Variants in ADAMTS19 observed in about 807,000 individuals in gnomAD.
ADAMTS19 encodes the protein ADAM metallopeptidase with thrombospondin type 1 motif 19.
ADAMTS19 carries 93 observed loss-of-function variants against 153.3 expected under a neutral mutation model. The observed-to-expected ratio is 0.61, with a 90% CI of 0.51 to 0.72. The LOEUF (loss-of-function observed/expected upper bound fraction) is 0.72, where lower values mean the gene tolerates loss of function less well. Ranked by LOEUF, ADAMTS19 falls within the 30% of genes least tolerant of loss-of-function variation. The pLI, the probability that ADAMTS19 is intolerant of heterozygous loss-of-function variation, is 0.00. For synonymous variants in ADAMTS19, 600 were observed against 556.6 expected (o/e 1.08, Z -1.10); for missense variants, 1,482 against 1,552.1 (o/e 0.95, Z 0.76).
intron 10 of ADAMTS19, among the ~76,000 whole-genome samples, chr5:129,627,899 T>TA (rs143333219): frequency 0.083 from 12,190 of 147,106 alleles, 574 homozygotes; most frequent in Middle Eastern, 0.16. Context: ...CTCAAAGAGC[T>TA]AAAAAAAAAA....
chr5:129,660,727 TTGGAAAATATCAGA>T (rs1753783474), intron 15 of ADAMTS19, among the ~76,000 whole-genome samples: 1 of 152,186 alleles, frequency 6.6e-6, no homozygotes, highest in African/African-American at 2.4e-5. Context: ...GCATGTTTAT[TTGGAAAATATCAGA>T]AGTGCCTAAG....
chr5:129,566,327 T>C (rs1308088986), intron 7 of ADAMTS19, among the ~76,000 whole-genome samples: 2 of 152,126 alleles, frequency 1.3e-5, no homozygotes, highest in Non-Finnish European at 2.9e-5. Flanking sequence ...GATGCTAGTG[T>C]TGGTTTATTA....
chr5:129,551,336 T>C (rs1415473288), intron 6 of ADAMTS19, among the ~76,000 whole-genome samples: 4 of 151,674 alleles, frequency 2.6e-5, no homozygotes, highest in African/African-American at 9.7e-5. Context: ...TTATAAAATA[T>C]TATACATAGA....
intron 8 of ADAMTS19, among the ~76,000 whole-genome samples, chr5:129,614,219 C>T (rs1581147423): frequency 6.6e-6 from 1 of 152,030 alleles, no homozygotes; most frequent in African/African-American, 2.4e-5. Context: ...CAAAGCCTGG[C>T]AGAGACACAC....
chr5:129,555,041 T>C (rs1753266729), intron 7 of ADAMTS19, among the ~76,000 whole-genome samples: 1 of 152,192 alleles, frequency 6.6e-6, no homozygotes, highest in Non-Finnish European at 1.5e-5. Flanking sequence ...ACAGATGCTT[T>C]TAAGTCATTG....
At position 129,551,903 on chromosome 5, in the gene ADAMTS19, T is replaced by G. The variant is rs1445422324; in HGVS notation, c.1368T>G (p.Thr456=). Reference sequence around the variant, plus strand: ...TGCACAAAGATGAACCATGTGATACTGTTGGTAAGTGTGAAAATTCTCACA... The same window carrying G: ...TGCACAAAGATGAACCATGTGATACGGTTGGTAAGTGTGAAAATTCTCACA... ...FCVHKDEPCD[T]VGIAYLSGMC... is the part of the protein sequence containing the mutation. Residue 456 remains threonine, a synonymous_variant, in exon 7 of 23, where the codon ACT becomes ACG. Transcript: ENST00000274487. The G allele has an allele frequency of 6.4e-7, 1 of 1,569,494 alleles. No homozygotes were observed. Among genetic ancestry groups the G allele is most frequent in the Admixed American group, 1.9e-5 (1 of 53,198 alleles).
In ADAMTS19 at chr5:129,461,304, G is replaced by T. The variant is rs1298808015; in HGVS notation, c.294G>T (p.Glu98Asp). Residue 98 changes from glutamate to aspartate, a missense_variant, in exon 2 of 23, where the codon GAG (glutamate) becomes GAT (aspartate). Glu to Asp is a conservative substitution (Grantham distance 45). Transcript: ENST00000274487. This position sits in a 1 kb window ranked among gnomAD's most constrained non-coding sequence, Gnocchi z 4.6. ...GCTCTGTGGCTCCGGTGCCTTTGGA[G>T]GAGCCCGTGGAGGGCCGATCAGAGT... ...EVRSVAPVPL[E>D]EPVEGRSESR... The T allele has an allele frequency of 1.3e-5, 17 of 1,306,970 alleles. No individual in the cohort carries two copies. The highest frequency in any genetic ancestry group is 1.6e-5 in the Non-Finnish European group (17 of 1,035,188). 81.0% of individuals were successfully genotyped at this position (1,306,970 alleles called of 1,614,324 possible).
intron 6 of ADAMTS19, among the ~76,000 whole-genome samples, chr5:129,538,713 C>T (rs575007541): frequency 2.0e-5 from 3 of 152,232 alleles, no homozygotes; most frequent in African/African-American, 4.8e-5. Context: ...AGTCATCTTA[C>T]ATACTGTTTT....
intron 3 of ADAMTS19, among the ~76,000 whole-genome samples, chr5:129,517,822 A>G (rs1054728306): frequency 2.0e-5 from 3 of 151,834 alleles, no homozygotes; most frequent in Non-Finnish European, 4.4e-5. Flanking sequence ...TACTCCTGCC[A>G]TTTTGTTATT....
intron 6 of ADAMTS19, among the ~76,000 whole-genome samples, chr5:129,538,892 A>G (rs1752555675): frequency 1.3e-5 from 2 of 152,134 alleles, no homozygotes; most frequent in East Asian, 1.9e-4. Context: ...GCATATTCTT[A>G]TGGTAAAAGT....
intron 3 of ADAMTS19, 45 bp from the exon 4 acceptor site, chr5:129,526,239 T>A: frequency 6.8e-7 from 1 of 1,476,708 alleles, no homozygotes; most frequent in Non-Finnish European, 9.1e-7. Flanking sequence ...ATTATTCACT[T>A]TGCCAATATG....
intron 3 of ADAMTS19, among the ~76,000 whole-genome samples, chr5:129,515,907 A>G (rs537781949): frequency 6.6e-6 from 1 of 152,012 alleles, no homozygotes; most frequent in East Asian, 1.9e-4. Flanking sequence ...CTTTAGTATG[A>G]TACTAGCTGT....
chr5:129,708,165 C>G (rs770371068), intron 21 of ADAMTS19, among the ~76,000 whole-genome samples: 1 of 152,128 alleles, frequency 6.6e-6, no homozygotes, highest in Non-Finnish European at 1.5e-5. Flanking sequence ...GTGAAACTTA[C>G]GTCATAAAAT....
chr5:129,605,731 G>A (rs1033927274), intron 8 of ADAMTS19, among the ~76,000 whole-genome samples: 3 of 152,050 alleles, frequency 2.0e-5, no homozygotes, highest in African/African-American at 7.3e-5. Flanking sequence ...AGATAGTCAA[G>A]AAAATAACCA....
intron 6 of ADAMTS19, among the ~76,000 whole-genome samples, chr5:129,546,857 C>T (rs1322778398): frequency 1.3e-5 from 2 of 150,658 alleles, no homozygotes; most frequent in Non-Finnish European, 2.9e-5. Flanking sequence ...TAAAAGAAAC[C>T]GTCTAATTTT....
At chr5:129,684,950 GCA>G (rs941741879) in intron 18 of ADAMTS19, among the ~76,000 whole-genome samples, 2 of 150,624 alleles carry the variant, frequency 1.3e-5, no homozygotes, top group African/African-American at 4.9e-5. Context: ...TCCTGCCACT[GCA>G]CTCCAGCCTC....
At chr5:129,561,777 C>G (rs569161843) in intron 7 of ADAMTS19, among the ~76,000 whole-genome samples, 4 of 152,174 alleles carry the variant, frequency 2.6e-5, no homozygotes, top group Admixed American at 2.6e-4. Context: ...TATTAGTTCA[C>G]TGAGTCAGGC....
chr5:129,722,151 G>T (rs1257193148), intron 21 of ADAMTS19, among the ~76,000 whole-genome samples: 1 of 152,068 alleles, frequency 6.6e-6, no homozygotes, highest in East Asian at 1.9e-4. Flanking sequence ...GGTATTTCTG[G>T]TTCTAGATCC....
chr5:129,619,256 C>T (rs1751669841), intron 8 of ADAMTS19, among the ~76,000 whole-genome samples: 2 of 151,936 alleles, frequency 1.3e-5, no homozygotes, highest in South Asian at 4.2e-4. Flanking sequence ...GAGCCAGGCA[C>T]CTCAGTTCAA....
Sources: allele counts gnomAD v4.1 joint callset (sites outside exome capture counted in the v4.1 genomes callset), GRCh38; gene constraint gnomAD v4.1.1; non-coding constraint Gnocchi (gnomAD v3.1); transcripts MANE v1.5; gene names NCBI Gene and HGNC (gene_info 2026-07-23, HGNC 2026-07-21).